GRM3: variants seen among roughly 807,000 people sequenced by gnomAD.
GRM3 encodes metabotropic glutamate receptor 3.
Under a neutral mutation model 70.5 loss-of-function variants are expected in GRM3, and 26 were observed. That is an observed-to-expected ratio of 0.37 (90% CI 0.27 to 0.51). The LOEUF (loss-of-function observed/expected upper bound fraction) is 0.51, where lower values mean the gene tolerates loss of function less well. GRM3 is among the 20% of genes least tolerant of loss of function. The probability of loss-of-function intolerance (pLI) is 0.93; values close to 1 mark genes in which losing one functional copy is unlikely to be tolerated. For synonymous variants in GRM3, 443 were observed against 434.9 expected (o/e 1.02, Z -0.23); for missense variants, 859 against 1,123.8 (o/e 0.76, Z 3.37).
intron 1 of GRM3, among the ~76,000 whole-genome samples, chr7:86,646,765 A>AT (rs1793483748): frequency 1.3e-5 from 2 of 152,088 alleles, no homozygotes; most frequent in African/African-American, 4.8e-5. Context: ...ATTGAATGGT[A>AT]TTTTTCAAAC....
rs75465158 is a variant in GRM3, at chr7:86,677,435, C to T, written c.-141+32563C>T. ...TCACCTGACAAAACCATGTTTTCTA[C>T]TTCCAGATTTCTCTTTGACCTGTTG... On this transcript the variant is annotated intron_variant, in intron 1 of 5. Transcript: ENST00000361669. Among the ~76,000 whole-genome samples, 998 of 152,120 alleles carry T rather than the reference C, an allele frequency of 6.6e-3. 9 individuals carry two copies. Among genetic ancestry groups the T allele is most frequent in the African/African-American group, 0.021 (870 of 41,530 alleles).
intron 1 of GRM3, among the ~76,000 whole-genome samples, chr7:86,654,292 G>GA (rs1323169346): frequency 6.6e-6 from 1 of 152,164 alleles, no homozygotes; most frequent in Non-Finnish European, 1.5e-5. Flanking sequence ...TTCATGAAGA[G>GA]AAAAGCAATA....
intron 3 of GRM3, among the ~76,000 whole-genome samples, chr7:86,811,542 A>T (rs1314559074): frequency 2.6e-5 from 4 of 151,754 alleles, no homozygotes; most frequent in African/African-American, 9.7e-5. Flanking sequence ...ACCATCAATG[A>T]CAAATATTCC....
intron 1 of GRM3, among the ~76,000 whole-genome samples, chr7:86,697,470 G>T (rs1360907770): frequency 6.6e-6 from 1 of 151,996 alleles, no homozygotes; most frequent in Non-Finnish European, 1.5e-5. Context: ...GTTTGTCGGA[G>T]GATGGAAAAG....
intron 1 of GRM3, among the ~76,000 whole-genome samples, chr7:86,762,728 T>C (rs1309633911): frequency 6.6e-6 from 1 of 152,174 alleles, no homozygotes; most frequent in Non-Finnish European, 1.5e-5. Context: ...TGATCTTTCC[T>C]GGTAGTAACT....
intron 5 of GRM3, among the ~76,000 whole-genome samples, chr7:86,861,799 C>G (rs1037034083): frequency 6.6e-6 from 1 of 152,168 alleles, no homozygotes; most frequent in Non-Finnish European, 1.5e-5. Flanking sequence ...AGGGAAGCCA[C>G]TGGAAGTGCA....
At chr7:86,814,299 G>T (rs1445931309) in intron 3 of GRM3, among the ~76,000 whole-genome samples, 1 of 151,646 alleles carries the variant, frequency 6.6e-6, no homozygotes, top group Non-Finnish European at 1.5e-5. Context: ...CTTTAGTGGA[G>T]ATCTGTGAGA....
At chr7:86,692,087 A>C (rs529863057) in intron 1 of GRM3, among the ~76,000 whole-genome samples, 1 of 152,184 alleles carries the variant, frequency 6.6e-6, no homozygotes, top group Non-Finnish European at 1.5e-5. Flanking sequence ...AAATAAAGTG[A>C]ATGTCAAACA....
intron 1 of GRM3, among the ~76,000 whole-genome samples, chr7:86,654,554 T>C (rs1262649028): frequency 6.6e-6 from 1 of 152,204 alleles, no homozygotes; most frequent in Non-Finnish European, 1.5e-5. Flanking sequence ...AACTAGCAAC[T>C]TATTTTCTGA....
At chr7:86,735,347 T>TAAAA (rs1795834136) in intron 1 of GRM3, among the ~76,000 whole-genome samples, 1 of 152,116 alleles carries the variant, frequency 6.6e-6, no homozygotes, top group African/African-American at 2.4e-5. Flanking sequence ...GTAGAAATTT[T>TAAAA]TGAAGTCAGA....
intron 2 of GRM3, among the ~76,000 whole-genome samples, chr7:86,779,764 G>A (rs1796995895): frequency 6.6e-6 from 1 of 152,182 alleles, no homozygotes; most frequent in Non-Finnish European, 1.5e-5. Flanking sequence ...CAGACAAGTG[G>A]TAAAGGTCAT....
chr7:86,773,384 T>C (rs1036387503), intron 2 of GRM3, among the ~76,000 whole-genome samples: 4 of 151,680 alleles, frequency 2.6e-5, no homozygotes, highest in Non-Finnish European at 5.9e-5. Context: ...TATTTTACTT[T>C]CAACATCTCC....
chr7:86,692,966 C>G (rs1424798788), intron 1 of GRM3, among the ~76,000 whole-genome samples: 1 of 152,096 alleles, frequency 6.6e-6, no homozygotes, highest in African/African-American at 2.4e-5. Context: ...ACAGACTGGA[C>G]AGATCCGTCA....
chr7:86,771,397 C>T (rs1796736679), intron 2 of GRM3, among the ~76,000 whole-genome samples: 1 of 152,022 alleles, frequency 6.6e-6, no homozygotes. Flanking sequence ...TGTTATTTCA[C>T]TTGATTATAT....
chr7:86,684,539 C>G (rs1228794771), intron 1 of GRM3, among the ~76,000 whole-genome samples: 1 of 152,190 alleles, frequency 6.6e-6, no homozygotes, highest in African/African-American at 2.4e-5. Context: ...ACCTATATAA[C>G]TAGTAATCTT....
At chr7:86,692,443 A>G (rs1159231506) in intron 1 of GRM3, among the ~76,000 whole-genome samples, 1 of 152,188 alleles carries the variant, frequency 6.6e-6, no homozygotes, top group South Asian at 2.1e-4. Context: ...CAGACCTGTT[A>G]GTCTTTTCTC....
intron 1 of GRM3, among the ~76,000 whole-genome samples, chr7:86,682,766 G>C (rs1419878753): frequency 6.6e-6 from 1 of 152,070 alleles, no homozygotes; most frequent in East Asian, 1.9e-4. Context: ...CAATGTGCCA[G>C]AGAATGAGCT....
chr7:86,854,963 T>C (rs750868750), intron 5 of GRM3, among the ~76,000 whole-genome samples: 5 of 152,182 alleles, frequency 3.3e-5, no homozygotes, highest in Admixed American at 6.6e-5. Context: ...ATTTCCAGCA[T>C]AGAAGAACCT....
chr7:86,667,994 T>C (rs1219000418), intron 1 of GRM3, among the ~76,000 whole-genome samples: 3 of 152,150 alleles, frequency 2.0e-5, no homozygotes, highest in Admixed American at 2.0e-4. Flanking sequence ...CCTGCTCTCC[T>C]TCCTACCCAC....
Sources: gnomAD v4.1 joint callset for allele counts (sites outside exome capture counted in the v4.1 genomes callset) on GRCh38, gnomAD v4.1.1 for gene constraint, MANE v1.5 for transcripts, NCBI Gene and HGNC (gene_info 2026-07-23, HGNC 2026-07-21) for gene names.